Variants in SLC9A9 observed in about 807,000 individuals in gnomAD.
SLC9A9 encodes solute carrier family 9 member A9, also known as sodium/hydrogen exchanger 9.
A neutral mutation model predicts 77.8 loss-of-function variants in SLC9A9; 62 were observed. The observed-to-expected ratio is 0.80, with a 90% CI of 0.65 to 0.98. The LOEUF is 0.98. Among genes scored for constraint, SLC9A9 ranks in the 50% least tolerant of loss-of-function variants. The probability of loss-of-function intolerance (pLI) is 0.00; values close to 1 mark genes in which losing one functional copy is unlikely to be tolerated. For synonymous variants in SLC9A9, 320 were observed against 283.5 expected, an observed-to-expected ratio of 1.13 and a Z score of -1.29; for missense variants, 775 against 774.9, an observed-to-expected ratio of 1.00 and a Z score of 0.00.
intron 5 of SLC9A9, among the ~76,000 whole-genome samples, chr3:143,668,984 C>A (rs1174543232): frequency 1.3e-5 from 2 of 152,198 alleles, no homozygotes; most frequent in African/African-American, 2.4e-5. Context: ...CTTTATGGAA[C>A]AAGAGGACCA....
intron 9 of SLC9A9, among the ~76,000 whole-genome samples, chr3:143,507,447 T>A (rs188720448): frequency 8.5e-5 from 13 of 152,266 alleles, no homozygotes; most frequent in Admixed American, 5.2e-4. Flanking sequence ...GACCTCGTGA[T>A]CTGCCTGCCT....
At chr3:143,616,741 T>C (rs1390208619) in intron 6 of SLC9A9, among the ~76,000 whole-genome samples, 1 of 152,042 alleles carries the variant, frequency 6.6e-6, no homozygotes, top group Non-Finnish European at 1.5e-5. Flanking sequence ...GGCTAACAAC[T>C]CCTCCTGGCT....
chr3:143,496,127 A>G (rs1197529996), intron 9 of SLC9A9, among the ~76,000 whole-genome samples: 2 of 152,250 alleles, frequency 1.3e-5, no homozygotes, highest in Middle Eastern at 3.2e-3. Flanking sequence ...AGAACACAAT[A>G]GATACATCAA....
chr3:143,512,030 A>T (rs1481103551), intron 9 of SLC9A9, among the ~76,000 whole-genome samples: 1 of 152,248 alleles, frequency 6.6e-6, no homozygotes, highest in African/African-American at 2.4e-5. Flanking sequence ...ACATGTATGG[A>T]TAGCCCAAAA....
chr3:143,784,524 A>ATT (rs10715558), intron 4 of SLC9A9, among the ~76,000 whole-genome samples: 21 of 139,128 alleles, frequency 1.5e-4, no homozygotes, highest in Admixed American at 2.9e-4. Context: ...AAAATTTGTA[A>ATT]TTTTTTTTTT....
At chr3:143,297,851 A>G (rs1185739010) in intron 14 of SLC9A9, among the ~76,000 whole-genome samples, 6 of 152,130 alleles carry the variant, frequency 3.9e-5, no homozygotes, top group Admixed American at 6.5e-5. Flanking sequence ...TTCCTTCTTG[A>G]CTTTAAGAGT....
At chr3:143,384,510 A>G (rs2033375426) in intron 12 of SLC9A9, among the ~76,000 whole-genome samples, 1 of 152,190 alleles carries the variant, frequency 6.6e-6, no homozygotes, top group Non-Finnish European at 1.5e-5. Context: ...ACAGAAATAG[A>G]ATTTTATAAG....
At chr3:143,732,014 T>C (rs12492227) in intron 4 of SLC9A9, among the ~76,000 whole-genome samples, 31,677 of 152,216 alleles carry the variant, frequency 0.21, 4,107 homozygotes, top group South Asian at 0.4. Flanking sequence ...TGTCAGCACA[T>C]GAACTGCCCA....
chr3:143,620,340 A>C (rs190941719), intron 6 of SLC9A9, among the ~76,000 whole-genome samples: 84 of 152,336 alleles, frequency 5.5e-4, no homozygotes, highest in Non-Finnish European at 6.3e-4. Context: ...GGGATTATTA[A>C]ATGAGCTGGG....
intron 2 of SLC9A9, 65 bp downstream of exon 2, chr3:143,831,954 G>A (rs2108889112): frequency 7.0e-7 from 1 of 1,431,228 alleles, no homozygotes; most frequent in East Asian, 2.4e-5. Flanking sequence ...AAAGTATAAA[G>A]GCTCAAATAT....
At chr3:143,515,766 T>A (rs2036194354) in intron 9 of SLC9A9, among the ~76,000 whole-genome samples, 1 of 152,234 alleles carries the variant, frequency 6.6e-6, no homozygotes, top group African/African-American at 2.4e-5. Flanking sequence ...TTTTTTTACA[T>A]TGATGAATTT....
chr3:143,596,193 T>C (rs1378994798), intron 6 of SLC9A9, among the ~76,000 whole-genome samples: 3 of 152,150 alleles, frequency 2.0e-5, no homozygotes, highest in African/African-American at 7.2e-5. Flanking sequence ...TTAGGGCCCA[T>C]AGCTAAAGAA....
At chr3:143,736,671 TA>T (rs1385183460) in intron 4 of SLC9A9, among the ~76,000 whole-genome samples, 1 of 152,224 alleles carries the variant, frequency 6.6e-6, no homozygotes, top group African/African-American at 2.4e-5. Context: ...TTAGTTCTCA[TA>T]ATGTTCAAAA....
chr3:143,562,558 G>A (rs1158477787), intron 8 of SLC9A9, among the ~76,000 whole-genome samples: 4 of 151,668 alleles, frequency 2.6e-5, no homozygotes, highest in Non-Finnish European at 4.4e-5. Flanking sequence ...TAAACTCTAT[G>A]CTTAATTGTC....
At chr3:143,679,714 G>A (rs1238357622) in intron 5 of SLC9A9, among the ~76,000 whole-genome samples, 1 of 152,050 alleles carries the variant, frequency 6.6e-6, no homozygotes, top group African/African-American at 2.4e-5. Context: ...TTCAATAGTT[G>A]ATACTCCTAA....
intron 12 of SLC9A9, among the ~76,000 whole-genome samples, chr3:143,383,947 C>CAGGTA (rs1308792914): frequency 6.6e-6 from 1 of 152,198 alleles, no homozygotes; most frequent in African/African-American, 2.4e-5. Context: ...TGATTCTTCA[C>CAGGTA]AGGTAAGTGT....
chr3:143,618,411 A>G (rs2038143989), intron 6 of SLC9A9, among the ~76,000 whole-genome samples: 1 of 152,218 alleles, frequency 6.6e-6, no homozygotes. Flanking sequence ...ATATTAGGGT[A>G]GCTGAAGGGA....
chr3:143,647,191 G>T (rs1196896302), intron 6 of SLC9A9, among the ~76,000 whole-genome samples: 2 of 152,150 alleles, frequency 1.3e-5, no homozygotes, highest in Non-Finnish European at 2.9e-5. Flanking sequence ...AAATGAGTCT[G>T]CCAAGGCGCA....
At chr3:143,396,100 T>C (rs1379775405) in intron 12 of SLC9A9, among the ~76,000 whole-genome samples, 2 of 152,166 alleles carry the variant, frequency 1.3e-5, no homozygotes, top group African/African-American at 4.8e-5. Flanking sequence ...CATTACTGGG[T>C]ATATACCCAA....
Sources: allele counts gnomAD v4.1 joint callset (sites outside exome capture counted in the v4.1 genomes callset), GRCh38; gene constraint gnomAD v4.1.1; transcripts MANE v1.5; gene names NCBI Gene and HGNC (gene_info 2026-07-23, HGNC 2026-07-21).